MACROD2: variants seen among roughly 807,000 people sequenced by gnomAD.
MACROD2 encodes the protein ADP-ribose glycohydrolase MACROD2.
MACROD2 carries 36 observed loss-of-function variants against 70.4 expected under a neutral mutation model. The observed-to-expected ratio is 0.51, with a 90% CI of 0.39 to 0.68. The LOEUF (loss-of-function observed/expected upper bound fraction) is 0.68, where lower values mean the gene tolerates loss of function less well. MACROD2 is among the 30% of genes least tolerant of loss of function. MACROD2 has a pLI of 0.00. For missense variants in MACROD2, 496 were observed against 538.4 expected (o/e 0.92, Z 0.78); for synonymous variants, 172 against 178.8 (o/e 0.96, Z 0.30).
intron 5 of MACROD2, among the ~76,000 whole-genome samples, chr20:14,971,728 G>A (rs2074693387): frequency 6.6e-6 from 1 of 152,050 alleles, no homozygotes; most frequent in Non-Finnish European, 1.5e-5. Flanking sequence ...AAGATTGGTT[G>A]GATCAGGTGT....
chr20:14,295,877 AT>A (rs1276524723), intron 3 of MACROD2, among the ~76,000 whole-genome samples: 1 of 151,850 alleles, frequency 6.6e-6, no homozygotes, highest in Non-Finnish European at 1.5e-5. Context: ...ATATTCAAGA[AT>A]TGTAGAAACT....
intron 5 of MACROD2, among the ~76,000 whole-genome samples, chr20:14,948,995 G>A (rs746227079): frequency 7.2e-5 from 11 of 152,120 alleles, no homozygotes; most frequent in Non-Finnish European, 1.5e-4. Flanking sequence ...GTGGGGAAGT[G>A]TTCTCTCCTC....
intron 6 of MACROD2, among the ~76,000 whole-genome samples, chr20:15,399,754 G>A (rs888579129): frequency 5.3e-5 from 8 of 152,270 alleles, no homozygotes; most frequent in Middle Eastern, 3.4e-3. Context: ...TGTTGTGATT[G>A]GCTTTTTCTT....
chr20:14,522,371 C>T (rs2085178561), intron 4 of MACROD2, among the ~76,000 whole-genome samples: 1 of 152,070 alleles, frequency 6.6e-6, no homozygotes, highest in Admixed American at 6.6e-5. Flanking sequence ...AACCCTGAAA[C>T]CCAAGCAGAA....
chr20:14,914,661 T>A (rs6074818), intron 5 of MACROD2, among the ~76,000 whole-genome samples: 33,508 of 152,168 alleles, frequency 0.22, 3,845 homozygotes, highest in African/African-American at 0.25. Flanking sequence ...TATAGGAATT[T>A]TATTTTTATA....
chr20:14,006,213 A>G (rs2052817773), intron 2 of MACROD2, among the ~76,000 whole-genome samples: 1 of 152,176 alleles, frequency 6.6e-6, no homozygotes, highest in Admixed American at 6.5e-5. Context: ...TTTTTGTAGT[A>G]TACCTTACAA....
chr20:14,284,881 G>C (rs1462704544), intron 3 of MACROD2, among the ~76,000 whole-genome samples: 1 of 152,070 alleles, frequency 6.6e-6, no homozygotes, highest in Non-Finnish European at 1.5e-5. Context: ...AAATAACTTG[G>C]TAATGTTACA....
At chr20:14,032,320 C>T (rs1471336945) in intron 2 of MACROD2, among the ~76,000 whole-genome samples, 1 of 151,806 alleles carries the variant, frequency 6.6e-6, no homozygotes, top group African/African-American at 2.4e-5. Context: ...TGTGAGATTC[C>T]TACAAATGAT....
chr20:15,304,467 T>TATGG (rs905594934), intron 6 of MACROD2, among the ~76,000 whole-genome samples: 2 of 152,218 alleles, frequency 1.3e-5, no homozygotes, highest in Non-Finnish European at 1.5e-5. Flanking sequence ...CTGGACGGTA[T>TATGG]ATGGATGGAT....
chr20:14,692,859 CAT>C (rs1300132103), intron 5 of MACROD2, among the ~76,000 whole-genome samples: 1 of 152,198 alleles, frequency 6.6e-6, no homozygotes, highest in Non-Finnish European at 1.5e-5. Flanking sequence ...ATTGTGATAA[CAT>C]AGAGTCCACC....
Position 15,087,724 on chromosome 20 carries a change from TG to T in MACROD2, c.419-142214del, listed in dbSNP as rs2075759418. On this transcript the variant is annotated intron_variant, in intron 5 of 17. Transcript: ENST00000684519. ...ACTGTTTAAAAATTAAAATTTTTCA[TG>T]GCAAATGTCAATATAAACAAAATTA... is the stretch of plus-strand genomic sequence containing the variant. Among the ~76,000 whole-genome samples the T allele has an allele frequency of 2.0e-5, 3 of 152,018 alleles. No individual in the cohort carries two copies. The South Asian group carries it at 6.2e-4, about 31-fold the overall frequency.
At chr20:15,063,580 G>A (rs1041896198) in intron 5 of MACROD2, among the ~76,000 whole-genome samples, 5 of 152,094 alleles carry the variant, frequency 3.3e-5, no homozygotes, top group African/African-American at 1.2e-4. Flanking sequence ...AAAGTATCAG[G>A]CCAGTTTGTA....
rs181163303 is a variant in MACROD2 at position 15,906,457 on chromosome 20, A to G, written c.775+20646A>G. On this transcript the variant is annotated intron_variant, in intron 10 of 17. Coordinates refer to ENST00000684519, the MANE Select transcript of MACROD2 (RefSeq NM_001351661.2). ...TCTATCCCCAAACATTTAACTGAGC[A>G]TTTTCTACAAATTGGGCATTCATCC... Among the ~76,000 whole-genome samples the G allele has an allele frequency of 1.4e-3, 211 of 152,332 alleles. 2 individuals are homozygous for G. Among genetic ancestry groups the G allele is most frequent in the Non-Finnish European group, 9.6e-4 (65 of 68,030 alleles).
intron 8 of MACROD2, among the ~76,000 whole-genome samples, chr20:15,544,950 G>GCC (rs1343028998): frequency 6.6e-6 from 1 of 152,190 alleles, no homozygotes; most frequent in Non-Finnish European, 1.5e-5. Flanking sequence ...CCTCAGAGGG[G>GCC]CCCTGAGTAC....
intron 10 of MACROD2, among the ~76,000 whole-genome samples, chr20:15,903,123 C>T (rs1177708170): frequency 6.6e-6 from 1 of 152,130 alleles, no homozygotes; most frequent in Admixed American, 6.5e-5. Flanking sequence ...CGCCTGTATT[C>T]CAAGCCCTTT....
chr20:14,323,325 A>G (rs1364380918), intron 3 of MACROD2: 1 of 152,146 alleles, frequency 6.6e-6, no homozygotes, highest in African/African-American at 2.4e-5. Flanking sequence ...GACGTATTAT[A>G]AAGGATGTTA....
chr20:14,452,670 T>C, intron 3 of MACROD2, among the ~76,000 whole-genome samples: 1 of 152,146 alleles, frequency 6.6e-6, no homozygotes, highest in Non-Finnish European at 1.5e-5. Flanking sequence ...TTATACAATG[T>C]GCAGTTCTGA....
chr20:14,364,179 G>T (rs2083251261), intron 3 of MACROD2, among the ~76,000 whole-genome samples: 1 of 152,122 alleles, frequency 6.6e-6, no homozygotes, highest in Non-Finnish European at 1.5e-5. Flanking sequence ...GTACTACACA[G>T]AAAAGAGGTC....
chr20:14,357,101 G>A (rs757457021), intron 3 of MACROD2, among the ~76,000 whole-genome samples: 4 of 152,176 alleles, frequency 2.6e-5, no homozygotes, highest in Non-Finnish European at 4.4e-5. Context: ...ATTTAAGAGG[G>A]AGGAACGTAG....
Sources: gnomAD v4.1 joint callset for allele counts (sites outside exome capture counted in the v4.1 genomes callset) on GRCh38, gnomAD v4.1.1 for gene constraint, MANE v1.5 for transcripts, NCBI Gene and HGNC (gene_info 2026-07-23, HGNC 2026-07-21) for gene names.